The following ANKRD44 variants were observed in gnomAD, a reference collection of about 807,000 sequenced individuals.
ANKRD44 encodes serine/threonine-protein phosphatase 6 regulatory ankyrin repeat subunit B.
Under a neutral mutation model 116.0 loss-of-function variants are expected in ANKRD44, and 35 were observed. That is an observed-to-expected ratio of 0.30 (90% confidence interval 0.23 to 0.40). The LOEUF is 0.40. ANKRD44 is among the 10% of genes least tolerant of loss of function. The pLI, the probability that ANKRD44 is intolerant of heterozygous loss-of-function variation, is 1.00. For synonymous variants in ANKRD44, 435 were observed against 461.8 expected (o/e 0.94, Z 0.74); for missense variants, 1,014 against 1,242.6 (o/e 0.82, Z 2.77).
chr2:196,993,725 T>C (rs938181096), intron 26 of ANKRD44, 51 bp from the exon 27 acceptor site: 9 of 1,482,572 alleles, frequency 6.1e-6, no homozygotes, highest in African/African-American at 1.4e-5. Context: ...TGGGTGAGAA[T>C]GTGGAATTTT....
At chr2:197,030,318 G>T (rs1374773766) in intron 16 of ANKRD44, among the ~76,000 whole-genome samples, 3 of 152,232 alleles carry the variant, frequency 2.0e-5, no homozygotes, top group African/African-American at 7.2e-5. Flanking sequence ...GAAGACGGAA[G>T]TGAGGCAGAG....
intron 19 of ANKRD44, 134 bp from the exon 20 acceptor site, chr2:197,008,057 TC>T: frequency 1.5e-6 from 1 of 651,776 alleles, no homozygotes; most frequent in Non-Finnish European, 2.7e-6. Flanking sequence ...TTTCTAAGTG[TC>T]CCCAGTTTGC....
At chr2:196,968,754 T>C (rs1376715834) in intron 21 of ANKRD44, among the ~76,000 whole-genome samples, 3 of 152,212 alleles carry the variant, frequency 2.0e-5, no homozygotes, top group African/African-American at 7.2e-5. Flanking sequence ...GCCTTGTCTT[T>C]CTCTTGGCTG....
intron 2 of ANKRD44, among the ~76,000 whole-genome samples, chr2:197,170,905 G>T (rs1184008863): frequency 2.0e-5 from 3 of 152,164 alleles, no homozygotes; most frequent in East Asian, 3.9e-4. Context: ...GCCGGGGGTG[G>T]TGGAGATTCC....
intron 10 of ANKRD44, among the ~76,000 whole-genome samples, chr2:197,092,444 C>T (rs2078063438): frequency 6.6e-6 from 1 of 152,330 alleles, no homozygotes; most frequent in African/African-American, 2.4e-5. Context: ...AAAGGATATA[C>T]ACATTCACAG....
chr2:197,258,900 C>G (rs769948552), intron 1 of ANKRD44, among the ~76,000 whole-genome samples: 8 of 152,164 alleles, frequency 5.3e-5, no homozygotes, highest in Non-Finnish European at 1.2e-4. Context: ...GTTTCAGTAT[C>G]TCTTTCTGTA....
chr2:197,203,370 C>T lies in ANKRD44; in HGVS notation c.28-16264G>A, dbSNP rs1478196071. Reference sequence around the variant, plus strand: ...GAATATAAATCTCTAAGAACTACTTCACCATTTCTGGTGTGTGTGAGATAC... The same window carrying T: ...GAATATAAATCTCTAAGAACTACTTTACCATTTCTGGTGTGTGTGAGATAC... On this transcript the variant is annotated intron_variant, in intron 1 of 27. Coordinates refer to ENST00000282272, the MANE Select transcript of ANKRD44 (RefSeq NM_001195144.2). The surrounding 1 kb of genome is among the most constrained non-coding windows in gnomAD (Gnocchi z 4.1). 6.6e-6 allele frequency among the ~76,000 whole-genome samples: 1 copy of T among 152,150 alleles called. No individual in the cohort carries two copies. Among genetic ancestry groups the T allele is most frequent in the Non-Finnish European group, 1.5e-5 (1 of 68,024 alleles).
At position 197,208,180 on chromosome 2, in the gene ANKRD44, G is replaced by A. The variant is rs573198799; in HGVS notation, c.28-21074C>T. 9.9e-5 allele frequency among the ~76,000 whole-genome samples: 15 copies of A among 152,278 alleles called. No individual in the cohort carries two copies. In the South Asian group the frequency reaches 1.0e-3, roughly 11 times the overall value. On this transcript the variant is annotated intron_variant, in intron 1 of 27. Transcript: ENST00000282272. ...CACAGAAGACTCTCAAAACAAAAGC[G>A]TGACCTCAACCTGCCTATAGGTGCC...
chr2:196,976,443 T>C (rs377285588), intron 21 of ANKRD44, among the ~76,000 whole-genome samples: 1 of 152,180 alleles, frequency 6.6e-6, no homozygotes, highest in African/African-American at 2.4e-5. Flanking sequence ...GTGGAGGTTC[T>C]AGCCAGGGAA....
chr2:197,266,244 C>T (rs538218958), intron 1 of ANKRD44, among the ~76,000 whole-genome samples: 52 of 152,162 alleles, frequency 3.4e-4, no homozygotes, highest in Non-Finnish European at 6.5e-4. Context: ...TCAGTCCTTT[C>T]TGATTAAGGA....
At chr2:197,047,220 A>G (rs2077018591) in intron 16 of ANKRD44, among the ~76,000 whole-genome samples, 1 of 152,106 alleles carries the variant, frequency 6.6e-6, no homozygotes, top group African/African-American at 2.4e-5. Flanking sequence ...AGGTTTCTCA[A>G]TGTTGGCCAG....
At chr2:197,022,717 GGCCAGGTGCAGCAGCT>G (rs1024669736) in intron 17 of ANKRD44, among the ~76,000 whole-genome samples, 82 of 152,254 alleles carry the variant, frequency 5.4e-4, no homozygotes, top group African/African-American at 1.9e-3. Context: ...ATAGCACCCT[GGCCAGGTGCAGCAGCT>G]CATGCCTGCA....
chr2:197,307,799 T>A (rs996712713), intron 1 of ANKRD44, among the ~76,000 whole-genome samples: 2 of 152,072 alleles, frequency 1.3e-5, no homozygotes, highest in Admixed American at 1.3e-4. Context: ...TCCAGACAAT[T>A]TGTGTTTCAG....
At position 197,095,518 on chromosome 2, in the gene ANKRD44, G is replaced by A. The variant is rs1158658361; in HGVS notation, c.1100+4298C>T. Among the ~76,000 whole-genome samples, 3 of 152,300 alleles carry A rather than the reference G, an allele frequency of 2.0e-5. No homozygotes were observed. The East Asian group carries it at 5.8e-4, about 29-fold the overall frequency. The stretch of plus-strand genomic sequence containing the variant: ...TGCAGTGTATATTGAACTCTAAAGA[G>A]CCTGCACCTCAGCCACCAGGACCAT... On this transcript the variant is annotated intron_variant, in intron 10 of 27. Transcript: ENST00000282272.
At chr2:197,200,937 T>C (rs2081080029) in intron 1 of ANKRD44, among the ~76,000 whole-genome samples, 2 of 152,384 alleles carry the variant, frequency 1.3e-5, no homozygotes, top group South Asian at 2.1e-4. Context: ...AAGTTTTAAA[T>C]TTTATCAATT....
In ANKRD44 at chr2:197,122,789, T is replaced by C. The variant is rs766607162; in HGVS notation, c.554A>G (p.His185Arg). Residue 185 changes from histidine (H) to arginine (R), a missense_variant, in exon 7 of 28, where the codon CAC (histidine) becomes CGC (arginine). Physicochemically the swap from His to Arg is conservative, Grantham distance 29 (BLOSUM62 0). Coordinates refer to ENST00000282272, the MANE Select transcript of ANKRD44 (RefSeq NM_001195144.2). ...RALHWAAYMGHLDVVALLINH... is the reference protein window; with the variant it reads ...RALHWAAYMGRLDVVALLINH... Reference sequence around the variant, plus strand: ...AATGAGCAATGCTACAACATCCAAGTGGCCTTTACAAACAAAGCAGCAGAA... The same window carrying C: ...AATGAGCAATGCTACAACATCCAAGCGGCCTTTACAAACAAAGCAGCAGAA... 2.5e-6 allele frequency: 4 copies of C among 1,612,556 alleles called. No individual in the cohort carries two copies. The Admixed American group carries it at 6.7e-5, about 27-fold the overall frequency.
At chr2:197,020,932 A>G (rs1171661405) in intron 17 of ANKRD44, among the ~76,000 whole-genome samples, 4 of 151,982 alleles carry the variant, frequency 2.6e-5, no homozygotes, top group South Asian at 2.1e-4. Flanking sequence ...ATTTCTCTCA[A>G]TGTTATCCCT....
At chr2:197,100,386 G>A (rs926520959) in intron 9 of ANKRD44, among the ~76,000 whole-genome samples, 19 of 152,098 alleles carry the variant, frequency 1.2e-4, no homozygotes, top group African/African-American at 4.3e-4. Context: ...AGTGAGCCAA[G>A]ATCGCACCAC....
intron 1 of ANKRD44, among the ~76,000 whole-genome samples, chr2:197,208,173 C>G (rs1255369054): frequency 6.6e-6 from 1 of 152,168 alleles, no homozygotes; most frequent in African/African-American, 2.4e-5. Flanking sequence ...ACTCTCAAAA[C>G]AAAAGCGTGA....
Sources: gnomAD v4.1 joint callset for allele counts (sites outside exome capture counted in the v4.1 genomes callset) on GRCh38, gnomAD v4.1.1 for gene constraint, Gnocchi (gnomAD v3.1) non-coding constraint, MANE v1.5 for transcripts, NCBI Gene and HGNC (gene_info 2026-07-23, HGNC 2026-07-21) for gene names.